The following FOCAD variants were observed in gnomAD, a reference collection of about 807,000 sequenced individuals.
FOCAD encodes the protein focadhesin.
Under a neutral mutation model 225.6 loss-of-function variants are expected in FOCAD, and 198 were observed. The observed-to-expected ratio is 0.88, with a 90% CI of 0.78 to 0.99. The LOEUF (loss-of-function observed/expected upper bound fraction) is 0.99. Ranked by LOEUF, FOCAD falls within the 50% of genes least tolerant of loss-of-function variation. FOCAD has a pLI of 0.00. For missense variants in FOCAD, 2,713 were observed against 2,123.6 expected (o/e 1.28, Z -5.46); for synonymous variants, 897 against 755.0 (o/e 1.19, Z -3.08).
intron 11 of FOCAD, among the ~76,000 whole-genome samples, chr9:20,816,186 A>T (rs1037430635): frequency 1.3e-5 from 2 of 152,130 alleles, no homozygotes; most frequent in Non-Finnish European, 2.9e-5. Flanking sequence ...CTCCCCTGAC[A>T]GTATAATTAT....
chr9:20,874,696 C>G lies in FOCAD; in HGVS notation c.2206C>G (p.Pro736Ala). 1 of 1,613,260 alleles carries G rather than the reference C, an allele frequency of 6.2e-7. No individual in the cohort carries two copies. The highest frequency in any genetic ancestry group is 8.5e-7 in the Non-Finnish European group (1 of 1,179,532). ...HLPEKIRPEIPIPEELDDDED... is the reference protein window; with the variant it reads ...HLPEKIRPEIAIPEELDDDED... ...ATCATTTCAGATAAGACCAGAAATT[C>G]CCATTCCTGAAGAGTTAGATGACGA... Residue 736 changes from proline (P) to alanine (A), a missense_variant, in exon 19 of 44, where the codon CCC becomes GCC. Pro to Ala is a conservative substitution (Grantham distance 27, BLOSUM62 -1). Transcript: ENST00000338382.
chr9:20,671,215 C>T (rs982860714), intron 2 of FOCAD, among the ~76,000 whole-genome samples: 7 of 150,086 alleles, frequency 4.7e-5, no homozygotes, highest in African/African-American at 1.5e-4. Flanking sequence ...AAATGTGCAC[C>T]GTAGATAAAA....
chr9:20,913,145 TACACAC>T lies in FOCAD; in HGVS notation c.2807+230_2807+235del, dbSNP rs56856864. On this transcript the variant is annotated intron_variant, in intron 23 of 43. Coordinates refer to ENST00000338382, the MANE Select transcript of FOCAD (RefSeq NM_001375567.1). Reference sequence around the variant, plus strand: ...GAGAGCTTTATTTATAAATTATACATACACACACACACACACACACACACACACACA... The same window carrying T: ...GAGAGCTTTATTTATAAATTATACATACACACACACACACACACACACACA... 0.033 allele frequency among the ~76,000 whole-genome samples: 4,570 copies of T among 137,276 alleles called. 100 individuals carry two copies. Among genetic ancestry groups the T allele is most frequent in the Middle Eastern group, 0.047 (13 of 274 alleles). 90.1% of individuals were successfully genotyped at this position (137,276 alleles called of 152,430 possible).
chr9:20,967,087 G>C (rs1381980974), intron 35 of FOCAD, among the ~76,000 whole-genome samples: 2 of 151,958 alleles, frequency 1.3e-5, no homozygotes, highest in African/African-American at 4.8e-5. Context: ...GATAGGGATT[G>C]CATTGAATCT....
rs772467169 is a variant in FOCAD, at chr9:20,881,925, G to A, written c.2372G>A (p.Arg791His). ...AAGCAAGAAATGGTGAATATGCCTC[G>A]TGGGATATATCACTCTGCATTAAAA... is the stretch of plus-strand genomic sequence containing the variant. ...LVKQEMVNMP[R>H]GIYHSALKGG... The change falls in exon 20 of 44, where the codon CGT (arginine) becomes CAT (histidine). Residue 791 changes from arginine (R) to histidine (H), a missense_variant. Arg to His is a conservative substitution (Grantham distance 29, BLOSUM62 0). Coordinates refer to ENST00000338382, the MANE Select transcript of FOCAD (RefSeq NM_001375567.1). 23 of 1,613,650 alleles carry A rather than the reference G, an allele frequency of 1.4e-5. No individual in the cohort carries two copies. In the Admixed American group the frequency reaches 1.7e-4, roughly 12 times the overall value.
intron 35 of FOCAD, among the ~76,000 whole-genome samples, chr9:20,970,545 G>A (rs1192712136): frequency 6.6e-6 from 1 of 151,894 alleles, no homozygotes; most frequent in Non-Finnish European, 1.5e-5. Context: ...TTTTAAAAAA[G>A]AACTCTTTTT....
At chr9:20,806,860 C>T (rs1034894072) in intron 11 of FOCAD, among the ~76,000 whole-genome samples, 1 of 152,140 alleles carries the variant, frequency 6.6e-6, no homozygotes, top group Non-Finnish European at 1.5e-5. Context: ...CTCTTAGTGT[C>T]ATAGCACCCA....
At chr9:20,819,742 A>G (rs1045620927) in intron 11 of FOCAD, 54 bp from the exon 12 acceptor site, 1 of 898,726 alleles carries the variant, frequency 1.1e-6, no homozygotes, top group African/African-American at 1.8e-5. Flanking sequence ...ATTCCATTAT[A>G]TATTACTTTT....
At chr9:20,969,656 C>T (rs530050625) in intron 35 of FOCAD, among the ~76,000 whole-genome samples, 2 of 149,850 alleles carry the variant, frequency 1.3e-5, no homozygotes, top group East Asian at 3.9e-4. Context: ...TATGCATTTG[C>T]CTTTTAAGTT....
chr9:20,879,319 A>G (rs1397720720), intron 19 of FOCAD, among the ~76,000 whole-genome samples: 3 of 152,136 alleles, frequency 2.0e-5, no homozygotes, highest in South Asian at 2.1e-4. Context: ...GGATTTCAAC[A>G]TTTGGGATTT....
chr9:20,771,903 C>T (rs978552186), intron 8 of FOCAD, among the ~76,000 whole-genome samples: 5 of 152,202 alleles, frequency 3.3e-5, no homozygotes, highest in African/African-American at 1.2e-4. Flanking sequence ...AGTATGAGCT[C>T]TGTGGTGTCT....
chr9:20,801,987 G>A (rs1240007838), intron 11 of FOCAD, among the ~76,000 whole-genome samples: 1 of 152,082 alleles, frequency 6.6e-6, no homozygotes, highest in African/African-American at 2.4e-5. Flanking sequence ...AGCTTTTCAC[G>A]ATAGTTGTTA....
intron 1 of FOCAD, among the ~76,000 whole-genome samples, chr9:20,710,980 A>C (rs1824800736): frequency 6.6e-6 from 1 of 152,230 alleles, no homozygotes; most frequent in Admixed American, 6.5e-5. Flanking sequence ...TCATTTATTT[A>C]TGTATTGCCT....
intron 39 of FOCAD, among the ~76,000 whole-genome samples, chr9:20,984,892 C>T (rs1296818756): frequency 6.6e-6 from 1 of 152,238 alleles, no homozygotes; most frequent in Non-Finnish European, 1.5e-5. Context: ...CCTCCGTCTT[C>T]AGGGTTCAAG....
At chr9:20,928,162 A>G (rs1835135844) in intron 26 of FOCAD, among the ~76,000 whole-genome samples, 1 of 152,120 alleles carries the variant, frequency 6.6e-6, no homozygotes, top group Admixed American at 6.5e-5. Flanking sequence ...GAAATTTCTC[A>G]TATGCTGCTT....
intron 18 of FOCAD, among the ~76,000 whole-genome samples, chr9:20,868,077 T>A (rs374955018): frequency 1.3e-5 from 2 of 152,210 alleles, no homozygotes; most frequent in East Asian, 3.9e-4. Flanking sequence ...ATGGGAAAAC[T>A]TAGGTAAAGA....
At chr9:20,821,994 A>C (rs1824370039) in intron 14 of FOCAD, among the ~76,000 whole-genome samples, 1 of 88,172 alleles carries the variant, frequency 1.1e-5, no homozygotes, top group Admixed American at 1.4e-4. Context: ...TGTAAAAGTT[A>C]CTAAAAAAAA....
chr9:20,830,918 T>C (rs1825422265), intron 15 of FOCAD, among the ~76,000 whole-genome samples: 2 of 152,068 alleles, frequency 1.3e-5, no homozygotes, highest in African/African-American at 4.8e-5. Context: ...GCTCAAGCAG[T>C]CCTCTCACCT....
chr9:20,862,635 A>G lies in FOCAD; in HGVS notation c.1978A>G (p.Arg660Gly), dbSNP rs192542556. 4 of 1,613,710 alleles carry G rather than the reference A, an allele frequency of 2.5e-6. No individual in the cohort carries two copies. In the Admixed American group the frequency reaches 5.0e-5, roughly 20 times the overall value. Residue 660 changes from arginine to glycine, a missense_variant, in exon 16 of 44, where the codon AGA becomes GGA. By Grantham distance (125) the Arg-to-Gly change is moderately radical. Coordinates refer to ENST00000338382, the MANE Select transcript of FOCAD (RefSeq NM_001375567.1). ...ALSPKLSCDT[R>G]PLILKTLSEL... Reference sequence around the variant, plus strand: ...CTCTCCAAAGCTGAGTTGTGACACAAGACCTCTCATTCTGAAGACACTGAG... The same window carrying G: ...CTCTCCAAAGCTGAGTTGTGACACAGGACCTCTCATTCTGAAGACACTGAG...
Sources: allele counts gnomAD v4.1 joint callset (sites outside exome capture counted in the v4.1 genomes callset), GRCh38; gene constraint gnomAD v4.1.1; transcripts MANE v1.5; gene names NCBI Gene and HGNC (gene_info 2026-07-23, HGNC 2026-07-21).